IDE: variants seen among roughly 807,000 people sequenced by gnomAD.
The protein encoded by IDE is insulin-degrading enzyme.
In IDE, 58 loss-of-function variants were observed where a neutral mutation model predicts 133.2. That is an observed-to-expected ratio of 0.44 (90% confidence interval 0.35 to 0.54). The LOEUF (loss-of-function observed/expected upper bound fraction) is 0.54. Among genes scored for constraint, IDE ranks in the 20% least tolerant of loss-of-function variants. The probability of loss-of-function intolerance (pLI) is 0.00; values close to 1 mark genes in which losing one functional copy is unlikely to be tolerated. For synonymous variants in IDE, 396 were observed against 421.3 expected, an observed-to-expected ratio of 0.94 and a Z score of 0.73; for missense variants, 981 against 1,234.0, an observed-to-expected ratio of 0.79 and a Z score of 3.07.
intron 7 of IDE, 57 bp from the exon 8 acceptor site, chr10:92,508,262 T>A (rs980201697): frequency 7.3e-7 from 1 of 1,377,496 alleles, no homozygotes; most frequent in African/African-American, 1.5e-5. Flanking sequence ...TCCTTGAAGA[T>A]AAGAAAAATT....
intron 1 of IDE, among the ~76,000 whole-genome samples, chr10:92,549,416 CG>C: frequency 6.6e-6 from 1 of 152,242 alleles, no homozygotes; most frequent in Admixed American, 6.5e-5. Flanking sequence ...AAGTACAGAA[CG>C]CTTCTATAAT....
intron 1 of IDE, among the ~76,000 whole-genome samples, chr10:92,556,030 G>A (rs957636063): frequency 2.9e-4 from 44 of 151,498 alleles, no homozygotes; most frequent in African/African-American, 1.1e-3. Context: ...AAAATTAGCG[G>A]GGCGCGGTGG....
intron 10 of IDE, among the ~76,000 whole-genome samples, chr10:92,505,830 G>A (rs544307070): frequency 1.2e-4 from 18 of 152,294 alleles, no homozygotes; most frequent in African/African-American, 4.1e-4. Flanking sequence ...AGTACAGTTG[G>A]AGTGGAATGC....
intron 2 of IDE, 50 bp downstream of exon 2, chr10:92,537,316 A>C (rs1207783428): frequency 7.1e-7 from 1 of 1,412,852 alleles, no homozygotes; most frequent in Non-Finnish European, 9.8e-7. Context: ...AAATGTCAGC[A>C]TTAGGTCAAT....
chr10:92,552,876 AAAT>A, intron 1 of IDE, among the ~76,000 whole-genome samples: 1 of 145,126 alleles, frequency 6.9e-6, no homozygotes, highest in African/African-American at 2.6e-5. Flanking sequence ...AAAAAAAAAA[AAAT>A]TATTTTCCAA....
chr10:92,494,082 A>T (rs1847538128), intron 11 of IDE, among the ~76,000 whole-genome samples: 1 of 152,154 alleles, frequency 6.6e-6, no homozygotes, highest in Admixed American at 6.6e-5. Context: ...ATACCAAAAA[A>T]TAAGGTTTCC....
At chr10:92,548,494 T>C (rs2135745800) in intron 1 of IDE, among the ~76,000 whole-genome samples, 1 of 151,946 alleles carries the variant, frequency 6.6e-6, no homozygotes, top group Non-Finnish European at 1.5e-5. Flanking sequence ...AATATGTTTA[T>C]ATAAACTTCA....
In IDE at chr10:92,452,981, T is replaced by C. The variant is rs1844820695; in HGVS notation, c.*1463A>G. 6.6e-6 allele frequency: 1 copy of C among 152,234 alleles called. No homozygotes were observed. The highest frequency in any genetic ancestry group is 6.5e-5 in the Admixed American group (1 of 15,282). The allele number at this position is 152,234 out of a possible 1,614,324, so 9.4% of individuals were successfully genotyped here. ...GAAAGCAGCCCCATAGTTGTGACTA[T>C]ATCGTTCTTGCCCAAAATTGAGATT... On this transcript the variant is annotated 3_prime_UTR_variant, in exon 25 of 25. Transcript: ENST00000265986.
chr10:92,515,505 C>T (rs533868085), intron 4 of IDE, among the ~76,000 whole-genome samples: 115 of 150,884 alleles, frequency 7.6e-4, no homozygotes, highest in African/African-American at 2.8e-3. Flanking sequence ...GTGATCCGCC[C>T]GCCTCAGCCT....
chr10:92,503,725 T>TC (rs1848149593), intron 11 of IDE, among the ~76,000 whole-genome samples: 1 of 152,006 alleles, frequency 6.6e-6, no homozygotes, highest in Admixed American at 6.6e-5. Flanking sequence ...AAGACTTTTT[T>TC]TTTTTTTTTT....
At chr10:92,536,331 C>A (rs1842000775) in intron 2 of IDE, among the ~76,000 whole-genome samples, 1 of 144,712 alleles carries the variant, frequency 6.9e-6, no homozygotes, top group Admixed American at 7.1e-5. Context: ...TGCAGTCAGC[C>A]GAGATCACAC....
chr10:92,563,210 C>A (rs950835592), intron 1 of IDE, among the ~76,000 whole-genome samples: 1 of 152,090 alleles, frequency 6.6e-6, no homozygotes, highest in Non-Finnish European at 1.5e-5. Context: ...AAGACCACAT[C>A]ATTGCACTCC....
At chr10:92,454,969 G>C (rs921240045) in intron 24 of IDE, among the ~76,000 whole-genome samples, 15 of 151,960 alleles carry the variant, frequency 9.9e-5, no homozygotes, top group Non-Finnish European at 1.6e-4. Context: ...AGGTAACATG[G>C]GAGAGACTAA....
In IDE at chr10:92,537,426, C is replaced by T; in HGVS notation, c.223G>A (p.Val75Ile). Residue 75 changes from valine (V) to isoleucine (I), a missense_variant, in exon 2 of 25, where the codon GTA becomes ATA. Val to Ile is a conservative substitution (Grantham distance 29, BLOSUM62 3). Coordinates refer to ENST00000265986, the MANE Select transcript of IDE (RefSeq NM_004969.4). The stretch of plus-strand genomic sequence containing the variant: ...GTGGTGGGATCACTGATAAGAAGTA[C>T]TTTGATACCATTGGCCAGCTCTAGC... ...RGLELANGIK[V>I]LLISDPTTDK... The T allele has an allele frequency of 6.2e-7, 1 of 1,614,080 alleles. No individual in the cohort carries two copies.
rs941116115 is a variant in IDE at position 92,504,861 on chromosome 10, A to C, written c.1363T>G (p.Leu455Val). Residue 455 changes from leucine (L) to valine (V), a missense_variant, in exon 11 of 25, where the codon TTA becomes GTA. By Grantham distance (32) the Leu-to-Val change is conservative. Transcript: ENST00000265986. ...PLEEVLTAEYLLEEFRPDLIE... is the reference protein window; with the variant it reads ...PLEEVLTAEYVLEEFRPDLIE... ...AAGTCAGGTCTAAATTCTTCCAGTA[A>C]ATATTCCGCTGTGAGCACCTCTTCT... 6.3e-7 allele frequency: 1 copy of C among 1,583,290 alleles called. No homozygotes were observed.
chr10:92,460,374 T>C (rs1845310213), intron 22 of IDE, among the ~76,000 whole-genome samples: 1 of 152,360 alleles, frequency 6.6e-6, no homozygotes, highest in Admixed American at 6.5e-5. Flanking sequence ...TTGTTTTCTT[T>C]GTTCTTCCTT....
intron 1 of IDE, among the ~76,000 whole-genome samples, chr10:92,571,724 T>C (rs140844864): frequency 7.2e-5 from 11 of 152,348 alleles, no homozygotes; most frequent in African/African-American, 2.6e-4. Flanking sequence ...AGAAAATGAA[T>C]GCCCAAATAC....
intron 1 of IDE, among the ~76,000 whole-genome samples, chr10:92,570,471 G>A (rs1217680726): frequency 1.3e-5 from 2 of 152,122 alleles, no homozygotes; most frequent in African/African-American, 4.8e-5. Context: ...AAATGAGAAG[G>A]CTCCAGAACC....
chr10:92,504,551 A>C lies in IDE; in HGVS notation c.1430+243T>G, dbSNP rs191580457. 3.8e-4 allele frequency among the ~76,000 whole-genome samples: 58 copies of C among 152,278 alleles called. No individual in the cohort carries two copies. In the East Asian group the frequency reaches 0.01, roughly 27 times the overall value. On this transcript the variant is annotated intron_variant, in intron 11 of 24. Coordinates refer to ENST00000265986, the MANE Select transcript of IDE (RefSeq NM_004969.4). Reference sequence around the variant, plus strand: ...TTTTAAAAATGTCCTCATCTTTTAGAGATATTGCCTCAAAATAATTTAGGG... The same window carrying C: ...TTTTAAAAATGTCCTCATCTTTTAGCGATATTGCCTCAAAATAATTTAGGG...
Sources: gnomAD v4.1 joint callset for allele counts (sites outside exome capture counted in the v4.1 genomes callset) on GRCh38, gnomAD v4.1.1 for gene constraint, MANE v1.5 for transcripts, NCBI Gene and HGNC (gene_info 2026-07-23, HGNC 2026-07-21) for gene names.